The following ARFGEF1 variants were observed in gnomAD, a reference collection of about 807,000 sequenced individuals.
ARFGEF1 encodes the protein ARF guanine nucleotide exchange factor 1.
ARFGEF1 carries 42 observed loss-of-function variants against 231.0 expected under a neutral mutation model. The ratio of observed to expected loss-of-function variants is 0.18; its 90% CI spans 0.14 to 0.24. ARFGEF1 has a LOEUF of 0.24. Among genes scored for constraint, ARFGEF1 ranks in the 10% least tolerant of loss-of-function variants. The probability of loss-of-function intolerance (pLI) is 1.00; values close to 1 mark genes in which losing one functional copy is unlikely to be tolerated. For synonymous variants in ARFGEF1, 710 were observed against 732.3 expected, an observed-to-expected ratio of 0.97 and a Z score of 0.49; for missense variants, 1,345 against 2,192.0, an observed-to-expected ratio of 0.61 and a Z score of 7.72.
At chr8:67,239,206 C>T (rs1839857823) in intron 20 of ARFGEF1, among the ~76,000 whole-genome samples, 1 of 151,882 alleles carries the variant, frequency 6.6e-6, no homozygotes, top group South Asian at 2.1e-4. Context: ...CGGGGTTTCA[C>T]CATGTTGGCC....
At chr8:67,268,956 T>C (rs1193462609) in intron 10 of ARFGEF1, among the ~76,000 whole-genome samples, 1 of 152,034 alleles carries the variant, frequency 6.6e-6, no homozygotes. Context: ...TAATATAGAC[T>C]GGAAGAGAGA....
chr8:67,334,149 A>G (rs1808233130), intron 1 of ARFGEF1, among the ~76,000 whole-genome samples: 1 of 151,724 alleles, frequency 6.6e-6, no homozygotes, highest in Non-Finnish European at 1.5e-5. Flanking sequence ...AAAAAAAAAA[A>G]AAAAAAAAGA....
chr8:67,264,277 T>C (rs759016658), intron 14 of ARFGEF1, among the ~76,000 whole-genome samples: 16 of 152,052 alleles, frequency 1.1e-4, no homozygotes, highest in African/African-American at 1.4e-4. Context: ...TTTGCAAGAA[T>C]AGTGGTGGGA....
downstream of ARFGEF1, among the ~76,000 whole-genome samples, chr8:67,192,688 GGGTGTGA>G (rs572944483): frequency 1.3e-3 from 201 of 152,306 alleles, no homozygotes; most frequent in Non-Finnish European, 2.5e-3. Context: ...TTTTTGCACA[GGGTGTGA>G]GGTGCAGGGG....
intron 19 of ARFGEF1, among the ~76,000 whole-genome samples, chr8:67,240,533 A>T (rs1839897433): frequency 6.6e-6 from 1 of 152,210 alleles, no homozygotes; most frequent in Admixed American, 6.5e-5. Flanking sequence ...CCTATAAATT[A>T]TTCACATCAA....
chr8:67,291,252 AAAAT>A (rs1470844644), intron 6 of ARFGEF1, among the ~76,000 whole-genome samples: 38 of 152,272 alleles, frequency 2.5e-4, no homozygotes, highest in African/African-American at 8.7e-4. Context: ...ACAAATTTGT[AAAAT>A]AAATATAATT....
intron 19 of ARFGEF1, among the ~76,000 whole-genome samples, chr8:67,250,550 C>A (rs2128884363): frequency 6.6e-6 from 1 of 152,274 alleles, no homozygotes; most frequent in East Asian, 1.9e-4. Context: ...AAAGGAAGCA[C>A]AAGAATCCTG....
chr8:67,275,606 A>G (rs1241112683), intron 9 of ARFGEF1, among the ~76,000 whole-genome samples: 2 of 152,164 alleles, frequency 1.3e-5, no homozygotes, highest in African/African-American at 4.8e-5. Context: ...TATGGAAATA[A>G]GAATTCATTA....
intron 37 of ARFGEF1, 151 bp from the exon 38 acceptor site, chr8:67,200,664 T>G: frequency 1.7e-6 from 1 of 594,492 alleles, no homozygotes; most frequent in Non-Finnish European, 3.0e-6. Flanking sequence ...AGTGTCAACA[T>G]AAACATGCTT....
At chr8:67,232,654 G>A (rs1391896026) in intron 23 of ARFGEF1, among the ~76,000 whole-genome samples, 1 of 151,844 alleles carries the variant, frequency 6.6e-6, no homozygotes, top group Non-Finnish European at 1.5e-5. Flanking sequence ...TTTTCATACT[G>A]TTTATCATCT....
chr8:67,277,525 G>C (rs1805362526), intron 7 of ARFGEF1, 68 bp from the exon 8 acceptor site: 1 of 1,437,936 alleles, frequency 7.0e-7, no homozygotes, highest in Non-Finnish European at 9.5e-7. Context: ...AAAAAGCACA[G>C]AGTATTTAAA....
At chr8:67,217,304 CAA>C (rs1388888346) in intron 32 of ARFGEF1, among the ~76,000 whole-genome samples, 3 of 83,240 alleles carry the variant, frequency 3.6e-5, no homozygotes, top group Admixed American at 1.3e-4. Context: ...AACTCCATCT[CAA>C]AAAAAAAAAA....
chr8:67,189,475 CA>C (rs976330591), intron 5 of ARFGEF1, among the ~76,000 whole-genome samples: 2 of 152,042 alleles, frequency 1.3e-5, no homozygotes, highest in African/African-American at 4.8e-5. Flanking sequence ...TGGAAGGACC[CA>C]AAACTTATTT....
intron 23 of ARFGEF1, among the ~76,000 whole-genome samples, chr8:67,229,740 G>T (rs1434402561): frequency 6.6e-6 from 1 of 151,924 alleles, no homozygotes; most frequent in Non-Finnish European, 1.5e-5. Context: ...CAAACTAGAG[G>T]TATTCTCATG....
chr8:67,316,279 T>G (rs1213942989), intron 1 of ARFGEF1, among the ~76,000 whole-genome samples: 1 of 152,172 alleles, frequency 6.6e-6, no homozygotes, highest in Non-Finnish European at 1.5e-5. Flanking sequence ...AATTCATAGT[T>G]TAAAAACTAC....
In ARFGEF1 at chr8:67,198,804, T is replaced by C; in HGVS notation, c.*130A>G. On this transcript the variant is annotated 3_prime_UTR_variant, in exon 39 of 39. Transcript: ENST00000262215. ...GAGTGTTGCAAGTTTGAGTAAGACT[T>C]CTAAGCATCTTTACCAGTAACTCAG... 1 of 1,462,382 alleles carries C rather than the reference T, an allele frequency of 6.8e-7. No individual in the cohort carries two copies. Among genetic ancestry groups the C allele is most frequent in the South Asian group, 1.4e-5 (1 of 69,054 alleles). 90.6% of individuals were successfully genotyped at this position (1,462,382 alleles called of 1,614,324 possible).
rs1238785319 is a variant in ARFGEF1, at chr8:67,294,618, G to A, written c.639+1813C>T. ...CCATATTTCTCATTGTTTAGAGAAA[G>A]AAGTTTACATATAAAGGGAGAAGAC... On this transcript the variant is annotated intron_variant, in intron 5 of 38. Coordinates refer to ENST00000262215, the MANE Select transcript of ARFGEF1 (RefSeq NM_006421.5). Among the ~76,000 whole-genome samples the A allele has an allele frequency of 3.3e-5, 5 of 152,070 alleles. No homozygotes were observed. The East Asian group carries it at 9.6e-4, about 29-fold the overall frequency.
chr8:67,315,318 G>A (rs1037676168), intron 1 of ARFGEF1, among the ~76,000 whole-genome samples: 2 of 152,154 alleles, frequency 1.3e-5, no homozygotes, highest in Non-Finnish European at 2.9e-5. Context: ...AGCTGAAGAA[G>A]TAAACATCCC....
intron 32 of ARFGEF1, 83 bp downstream of exon 32, chr8:67,217,699 A>G: frequency 7.2e-7 from 1 of 1,397,544 alleles, no homozygotes; most frequent in Non-Finnish European, 9.8e-7. Context: ...ATCAGTAGTC[A>G]CTATCAAACT....
Sources: allele counts gnomAD v4.1 joint callset (sites outside exome capture counted in the v4.1 genomes callset), GRCh38; gene constraint gnomAD v4.1.1; transcripts MANE v1.5; gene names NCBI Gene and HGNC (gene_info 2026-07-23, HGNC 2026-07-21).